BAZ1B: variants seen among roughly 807,000 people sequenced by gnomAD.
The protein encoded by BAZ1B is tyrosine-protein kinase BAZ1B.
Under a neutral mutation model 153.8 loss-of-function variants are expected in BAZ1B, and 22 were observed. The ratio of observed to expected loss-of-function variants is 0.14; its 90% confidence interval spans 0.10 to 0.20. The LOEUF (loss-of-function observed/expected upper bound fraction) is 0.20. Among genes scored for constraint, BAZ1B ranks in the 10% least tolerant of loss-of-function variants. BAZ1B has a pLI of 1.00. For missense variants in BAZ1B, 1,325 were observed against 1,799.3 expected, an observed-to-expected ratio of 0.74 and a Z score of 4.77; for synonymous variants, 676 against 633.4, an observed-to-expected ratio of 1.07 and a Z score of -1.01.
chr7:73,460,957 CT>C (rs1220928711), intron 12 of BAZ1B, among the ~76,000 whole-genome samples: 57 of 144,990 alleles, frequency 3.9e-4, no homozygotes, highest in Middle Eastern at 6.9e-3. Context: ...CTATCTCTCT[CT>C]TTTTTTTTTT....
At chr7:73,491,967 A>T in intron 5 of BAZ1B, among the ~76,000 whole-genome samples, 1 of 147,538 alleles carries the variant, frequency 6.8e-6, no homozygotes, top group African/African-American at 2.5e-5. Context: ...TTAGAATCTT[A>T]GTTCCAATCA....
intron 5 of BAZ1B, among the ~76,000 whole-genome samples, chr7:73,491,304 A>C (rs150022087): frequency 2.4e-4 from 37 of 152,086 alleles, no homozygotes; most frequent in African/African-American, 8.4e-4. Context: ...CAAAAAAACA[A>C]AACAACAACC....
At chr7:73,498,228 G>A (rs186021589) in intron 4 of BAZ1B, among the ~76,000 whole-genome samples, 3 of 152,130 alleles carry the variant, frequency 2.0e-5, no homozygotes, top group African/African-American at 7.2e-5. Flanking sequence ...CCAAAGTGCT[G>A]GGATTACAGG....
intron 11 of BAZ1B, among the ~76,000 whole-genome samples, chr7:73,465,105 C>A (rs887173046): frequency 2.6e-5 from 4 of 152,114 alleles, no homozygotes; most frequent in African/African-American, 4.8e-5. Flanking sequence ...CACCTTTTGG[C>A]TCTTCTGAAT....
chr7:73,455,074 A>C (rs1214573592), intron 13 of BAZ1B, among the ~76,000 whole-genome samples: 5 of 150,808 alleles, frequency 3.3e-5, no homozygotes, highest in Non-Finnish European at 5.9e-5. Flanking sequence ...TTTAGAAGAG[A>C]CCGGTTTTCA....
intron 7 of BAZ1B, among the ~76,000 whole-genome samples, chr7:73,475,561 G>A (rs1307242371): frequency 6.6e-6 from 1 of 152,234 alleles, no homozygotes; most frequent in African/African-American, 2.4e-5. Context: ...GTTGCTGGGG[G>A]ATGTGGACAA....
At position 73,444,082 on chromosome 7, in the gene BAZ1B, CA is replaced by C; in HGVS notation, c.3891del (p.Ala1298GlnfsTer59). On this transcript the variant is annotated frameshift_variant, in exon 17 of 20. Transcript: ENST00000339594. LOFTEE classifies it high-confidence loss of function. ...CCCGGGCGCCGGCCTGACCTTGCTGCAGGGGGGATGACGCTGTGCTTGCCCC... is the reference window on the plus strand; with the variant it reads ...CCCGGGCGCCGGCCTGACCTTGCTGCGGGGGGATGACGCTGTGCTTGCCCC... ...TIRGKHSVIPPAARSGRRPGK... is the reference protein window; with the variant it reads ...TIRGKHSVIPXAARSGRRPGK... 1 of 1,613,146 alleles carries C rather than the reference CA, an allele frequency of 6.2e-7. No homozygotes were observed. Among genetic ancestry groups the C allele is most frequent in the Non-Finnish European group, 8.5e-7 (1 of 1,179,632 alleles).
chr7:73,520,642 C>T (rs1790998012), intron 1 of BAZ1B, among the ~76,000 whole-genome samples: 1 of 152,158 alleles, frequency 6.6e-6, no homozygotes, highest in African/African-American at 2.4e-5. Flanking sequence ...TTTCCAGGCC[C>T]CTTTGTGTGT....
chr7:73,448,531 C>T (rs1332663401), intron 15 of BAZ1B, among the ~76,000 whole-genome samples: 3 of 152,198 alleles, frequency 2.0e-5, no homozygotes, highest in Non-Finnish European at 4.4e-5. Context: ...GAGACAAGAT[C>T]CATGCACCAA....
In BAZ1B at chr7:73,440,811, G is replaced by C. The variant is rs1217496756; in HGVS notation, c.*898C>G. The C allele has an allele frequency of 6.6e-6, 1 of 152,618 alleles. No homozygotes were observed. Among genetic ancestry groups the C allele is most frequent in the Admixed American group, 6.5e-5 (1 of 15,282 alleles). The allele number at this position is 152,618 out of a possible 1,614,324, so 9.5% of individuals were successfully genotyped here. On this transcript the variant is annotated 3_prime_UTR_variant, in exon 20 of 20. Transcript: ENST00000339594. Reference sequence around the variant, plus strand: ...CAGTCCCCTTGGTGGACTTTAAATAGGTACAGAAGAGCTTGGGTGCTCAAA... The same window carrying C: ...CAGTCCCCTTGGTGGACTTTAAATACGTACAGAAGAGCTTGGGTGCTCAAA...
rs377753487 is a variant in BAZ1B, at chr7:73,477,175, C to T, written c.2286G>A (p.Val762=). 2.4e-5 allele frequency: 39 copies of T among 1,614,130 alleles called. No homozygotes were observed. Among genetic ancestry groups the T allele is most frequent in the African/African-American group, 1.7e-4 (13 of 74,946 alleles). ...GCTGTCTGGTCTCCATGTGGTCTTG[C>T]ACTGAGTATGTCATGAGGATCCGGT... The part of the protein sequence containing the change: ...LCHRILMTYS[V]QDHMETRQQM... The change falls in exon 7 of 20, where the codon GTG becomes GTA. Residue 762 remains valine, a synonymous_variant. Transcript: ENST00000339594. This position sits in a 1 kb window ranked among gnomAD's most constrained non-coding sequence, Gnocchi z 5.6.
In BAZ1B at chr7:73,477,223, T is replaced by C. The variant is rs782686021; in HGVS notation, c.2238A>G (p.Leu746=). The C allele has an allele frequency of 1.7e-5, 28 of 1,614,104 alleles. No homozygotes were observed. Among genetic ancestry groups the C allele is most frequent in the African/African-American group, 1.3e-5 (1 of 74,940 alleles). The change falls in exon 7 of 20, where the codon CTA becomes CTG. Residue 746 remains leucine (L), a synonymous_variant. Transcript: ENST00000339594. This position sits in a 1 kb window ranked among gnomAD's most constrained non-coding sequence, Gnocchi z 5.6. ...GGTGGCACAGTGCTGTCAAGATCTG[T>C]AGCTTCTCCTCTGACGTCAGCTCAA... ...EFFELTSEEK[L]QILTALCHRI...
intron 16 of BAZ1B, among the ~76,000 whole-genome samples, chr7:73,444,723 AAAG>A (rs1787758993): frequency 6.6e-6 from 1 of 152,276 alleles, no homozygotes; most frequent in Non-Finnish European, 1.5e-5. Flanking sequence ...ATGAGAGAAT[AAAG>A]AATATAGGCC....
At chr7:73,455,163 G>A (rs1554569366) in intron 13 of BAZ1B, among the ~76,000 whole-genome samples, 1 of 152,024 alleles carries the variant, frequency 6.6e-6, no homozygotes, top group Non-Finnish European at 1.5e-5. Flanking sequence ...GGGATTACAG[G>A]CGTGAGCCAC....
intron 7 of BAZ1B, among the ~76,000 whole-genome samples, chr7:73,475,372 A>G (rs1788958148): frequency 6.6e-6 from 1 of 152,228 alleles, no homozygotes; most frequent in Admixed American, 6.5e-5. Context: ...TATCCAAACA[A>G]TGGAATATTA....
At chr7:73,476,005 T>C (rs1196158635) in intron 7 of BAZ1B, among the ~76,000 whole-genome samples, 2 of 152,146 alleles carry the variant, frequency 1.3e-5, no homozygotes, top group African/African-American at 2.4e-5. Flanking sequence ...AGCATAATGT[T>C]TTCAAGATTC....
At chr7:73,513,121 A>AT (rs1281086046) in intron 1 of BAZ1B, among the ~76,000 whole-genome samples, 1 of 151,952 alleles carries the variant, frequency 6.6e-6, no homozygotes, top group Non-Finnish European at 1.5e-5. Context: ...GCCCACCTAC[A>AT]TTTTTTATCT....
chr7:73,516,319 T>G (rs1199251851), intron 1 of BAZ1B, among the ~76,000 whole-genome samples: 1 of 152,100 alleles, frequency 6.6e-6, no homozygotes, highest in African/African-American at 2.4e-5. Flanking sequence ...TCCAGCTGTT[T>G]TCTTTTTTCC....
chr7:73,487,950 T>C (rs1789477115), intron 6 of BAZ1B, among the ~76,000 whole-genome samples: 2 of 152,272 alleles, frequency 1.3e-5, no homozygotes, highest in Non-Finnish European at 1.5e-5. Context: ...TGGAGGTCTT[T>C]ACTAATGTTT....
Sources: allele counts gnomAD v4.1 joint callset (sites outside exome capture counted in the v4.1 genomes callset), GRCh38; gene constraint gnomAD v4.1.1; non-coding constraint Gnocchi (gnomAD v3.1); transcripts MANE v1.5; gene names NCBI Gene and HGNC (gene_info 2026-07-23, HGNC 2026-07-21).